The following MACROD2 variants were observed in gnomAD, a reference collection of about 807,000 sequenced individuals.
MACROD2 encodes ADP-ribose glycohydrolase MACROD2.
MACROD2 carries 36 observed loss-of-function variants against 70.4 expected under a neutral mutation model. That is an observed-to-expected ratio of 0.51 (90% CI 0.39 to 0.68). The LOEUF is 0.68. Among genes scored for constraint, MACROD2 ranks in the 30% least tolerant of loss-of-function variants. The pLI is 0.00. For missense variants in MACROD2, 496 were observed against 538.4 expected, an observed-to-expected ratio of 0.92 and a Z score of 0.78; for synonymous variants, 172 against 178.8, an observed-to-expected ratio of 0.96 and a Z score of 0.30.
rs1207437747 is a variant in MACROD2 at position 15,772,108 on chromosome 20, A to G, written c.646-90637A>G. On this transcript the variant is annotated intron_variant, in intron 8 of 17. Transcript: ENST00000684519. Reference sequence around the variant, plus strand: ...TCAAAAAAAAAAAAAAAAAATATATATATATATATATATATATATATTTCT... The same window carrying G: ...TCAAAAAAAAAAAAAAAAAATATATGTATATATATATATATATATATTTCT... Among the ~76,000 whole-genome samples, 39 of 110,724 alleles carry G rather than the reference A, an allele frequency of 3.5e-4. 1 individual carries two copies. The highest frequency in any genetic ancestry group is 7.1e-4 in the Admixed American group (8 of 11,234). 72.6% of individuals were successfully genotyped at this position (110,724 alleles called of 152,430 possible).
chr20:14,444,661 T>G (rs1461675983), intron 3 of MACROD2, among the ~76,000 whole-genome samples: 1 of 152,002 alleles, frequency 6.6e-6, no homozygotes, highest in African/African-American at 2.4e-5. Context: ...ATAAACCAAC[T>G]GCCTATTTTT....
intron 4 of MACROD2, among the ~76,000 whole-genome samples, chr20:14,641,682 G>A (rs1985104144): frequency 1.3e-5 from 2 of 152,178 alleles, no homozygotes; most frequent in African/African-American, 4.8e-5. Context: ...TGAATGCATT[G>A]TAAATGAGCA....
rs6043580 is a variant in MACROD2 at position 15,853,609 on chromosome 20, C to G, written c.646-9136C>G. Among the ~76,000 whole-genome samples the G allele has an allele frequency of 1.4e-3, 211 of 152,210 alleles. 2 individuals are homozygous for G. The highest frequency in any genetic ancestry group is 4.9e-3 in the African/African-American group (202 of 41,522). On this transcript the variant is annotated intron_variant, in intron 8 of 17. Coordinates refer to ENST00000684519, the MANE Select transcript of MACROD2 (RefSeq NM_001351661.2). Reference sequence around the variant, plus strand: ...AAGGAATGCAGGAGGCCTCCAGGAGCTGAGCTGTCCTCCAGCTGTCAACCA... The same window carrying G: ...AAGGAATGCAGGAGGCCTCCAGGAGGTGAGCTGTCCTCCAGCTGTCAACCA...
At chr20:15,245,981 A>G (rs1322800085) in intron 6 of MACROD2, among the ~76,000 whole-genome samples, 2 of 152,238 alleles carry the variant, frequency 1.3e-5, no homozygotes, top group African/African-American at 4.8e-5. Flanking sequence ...AGCTTTAGAT[A>G]ATAGTGTGCA....
intron 5 of MACROD2, among the ~76,000 whole-genome samples, chr20:14,713,286 A>G (rs1443815031): frequency 6.6e-6 from 1 of 152,208 alleles, no homozygotes; most frequent in Non-Finnish European, 1.5e-5. Flanking sequence ...TCTTCTGGAT[A>G]GGTACAACTA....
chr20:14,577,794 A>AAAGAGAAGAGAAGCGAAGAGAAGAG (rs1980699060), intron 4 of MACROD2, among the ~76,000 whole-genome samples: 2 of 137,728 alleles, frequency 1.5e-5, no homozygotes, highest in Non-Finnish European at 3.1e-5. Flanking sequence ...AAAGAAAAGG[A>AAAGAGAAGAGAAGCGAAGAGAAGAG]AAGAGAAGAG....
At chr20:14,081,422 T>C (rs2053993206) in intron 2 of MACROD2, among the ~76,000 whole-genome samples, 1 of 152,192 alleles carries the variant, frequency 6.6e-6, no homozygotes, top group African/African-American at 2.4e-5. Context: ...CCAGTTCTGG[T>C]TTTCTTTGAC....
intron 3 of MACROD2, among the ~76,000 whole-genome samples, chr20:14,436,661 A>C (rs1481200489): frequency 1.3e-5 from 2 of 152,242 alleles, no homozygotes; most frequent in Non-Finnish European, 2.9e-5. Context: ...AAAATGAATT[A>C]AACTTAGTCA....
At chr20:14,602,189 T>C (rs1048288226) in intron 4 of MACROD2, among the ~76,000 whole-genome samples, 2 of 152,172 alleles carry the variant, frequency 1.3e-5, no homozygotes, top group African/African-American at 4.8e-5. Context: ...GTAAAGCAGG[T>C]CTGCCCCTCA....
At chr20:15,956,535 C>A (rs1416823155) in intron 12 of MACROD2, among the ~76,000 whole-genome samples, 2 of 152,138 alleles carry the variant, frequency 1.3e-5, no homozygotes, top group Non-Finnish European at 2.9e-5. Context: ...CGTGAGGATA[C>A]TTATCCAAAA....
intron 3 of MACROD2, among the ~76,000 whole-genome samples, chr20:14,383,238 G>A (rs188128726): frequency 6.6e-6 from 1 of 152,148 alleles, no homozygotes; most frequent in East Asian, 1.9e-4. Flanking sequence ...TTTTATAGAA[G>A]CAATCTCTAC....
rs1364544188 is a variant in MACROD2 at position 14,862,611 on chromosome 20, A to ATATG, written c.418+177655_418+177656insGTAT. ...TAAATATATATATAAATATAAATAT[A>ATATG]TATAAATATATATATATAAATATAT... On this transcript the variant is annotated intron_variant, in intron 5 of 17. Transcript: ENST00000684519. Among the ~76,000 whole-genome samples the ATATG allele has an allele frequency of 2.4e-4, 5 of 20,842 alleles. 2 individuals are homozygous for ATATG. Among genetic ancestry groups the ATATG allele is most frequent in the Non-Finnish European group, 4.8e-4 (5 of 10,508 alleles). The allele number at this position is 20,842 out of a possible 152,430, so 13.7% of individuals were successfully genotyped here.
intron 3 of MACROD2, among the ~76,000 whole-genome samples, chr20:14,430,407 A>G (rs938801562): frequency 1.3e-5 from 2 of 152,176 alleles, no homozygotes; most frequent in African/African-American, 2.4e-5. Flanking sequence ...GTTAGGCAGT[A>G]ACACTAGTGG....
intron 2 of MACROD2, among the ~76,000 whole-genome samples, chr20:14,054,321 G>A (rs927605200): frequency 6.6e-6 from 1 of 151,792 alleles, no homozygotes; most frequent in Non-Finnish European, 1.5e-5. Context: ...CAGGTGGATG[G>A]GGGAGCTCCA....
At chr20:15,105,324 A>G (rs906979811) in intron 5 of MACROD2, among the ~76,000 whole-genome samples, 1 of 152,068 alleles carries the variant, frequency 6.6e-6, no homozygotes, top group South Asian at 2.1e-4. Flanking sequence ...CCTATTTTCA[A>G]TATTCTGGAC....
At chr20:14,257,963 T>C (rs1465086784) in intron 3 of MACROD2, among the ~76,000 whole-genome samples, 2 of 152,172 alleles carry the variant, frequency 1.3e-5, no homozygotes, top group Admixed American at 1.3e-4. Context: ...TTGGCTCCCA[T>C]TTAAAATTGA....
At chr20:15,464,778 G>A (rs769542010) in intron 7 of MACROD2, among the ~76,000 whole-genome samples, 1 of 152,234 alleles carries the variant, frequency 6.6e-6, no homozygotes, top group East Asian at 1.9e-4. Flanking sequence ...CCTCTAGATC[G>A]GCTTTGTTTC....
intron 6 of MACROD2, among the ~76,000 whole-genome samples, chr20:15,357,694 A>G (rs2078303731): frequency 6.6e-6 from 1 of 152,194 alleles, no homozygotes; most frequent in Admixed American, 6.6e-5. Context: ...TTGGATAAAC[A>G]TAGCAGTAAT....
intron 6 of MACROD2, among the ~76,000 whole-genome samples, chr20:15,388,618 T>C (rs1327683121): frequency 6.6e-6 from 1 of 152,190 alleles, no homozygotes; most frequent in Non-Finnish European, 1.5e-5. Flanking sequence ...AGTTATTTGC[T>C]AGATCAGCAA....
Sources: gnomAD v4.1 joint callset for allele counts (sites outside exome capture counted in the v4.1 genomes callset) on GRCh38, gnomAD v4.1.1 for gene constraint, MANE v1.5 for transcripts, NCBI Gene and HGNC (gene_info 2026-07-23, HGNC 2026-07-21) for gene names.